RAB11FIP3: variants seen among roughly 807,000 people sequenced by gnomAD.
RAB11FIP3 encodes the protein rab11 family-interacting protein 3.
In RAB11FIP3, 17 loss-of-function variants were observed where a neutral mutation model predicts 77.8. The observed-to-expected ratio is 0.22, with a 90% CI of 0.15 to 0.33. The LOEUF (loss-of-function observed/expected upper bound fraction) is 0.33. Ranked by LOEUF, RAB11FIP3 falls within the 10% of genes least tolerant of loss-of-function variation. The pLI, the probability that RAB11FIP3 is intolerant of heterozygous loss-of-function variation, is 1.00. For synonymous variants in RAB11FIP3, 437 were observed against 448.2 expected (o/e 0.98, Z 0.31); for missense variants, 1,005 against 1,011.2 (o/e 0.99, Z 0.08).
chr16:510,823 T>G, intron 9 of RAB11FIP3, 23 bp downstream of exon 9: 1 of 1,609,200 alleles, frequency 6.2e-7, no homozygotes, highest in Non-Finnish European at 8.5e-7. Context: ...CAACAGCCCA[T>G]CCACCCCAGA....
rs2032305867 is a variant in RAB11FIP3, at chr16:514,147, T to A, written c.1640+3347T>A. ...GCCCACCCTAAGCGCTTGGGGTCAG[T>A]GCCACCGTGTTCTGGGCCTCCTGCA... is the stretch of plus-strand genomic sequence containing the variant. On this transcript the variant is annotated intron_variant, in intron 9 of 13. Coordinates refer to ENST00000262305, the MANE Select transcript of RAB11FIP3 (RefSeq NM_014700.4). The surrounding 1 kb of genome is among the most constrained non-coding windows in gnomAD (Gnocchi z 4.6). Among the ~76,000 whole-genome samples the A allele has an allele frequency of 6.6e-6, 1 of 152,196 alleles. No individual in the cohort carries two copies. The highest frequency in any genetic ancestry group is 6.5e-5 in the Admixed American group (1 of 15,288).
At chr16:449,364 T>C (rs1256567692) in intron 1 of RAB11FIP3, among the ~76,000 whole-genome samples, 1 of 152,086 alleles carries the variant, frequency 6.6e-6, no homozygotes, top group Non-Finnish European at 1.5e-5. Flanking sequence ...TGCTGGTTGG[T>C]CGTTTGCCAG....
intron 1 of RAB11FIP3, among the ~76,000 whole-genome samples, chr16:438,167 G>GCACTA (rs2055162762): frequency 6.6e-6 from 1 of 151,840 alleles, no homozygotes; most frequent in African/African-American, 2.4e-5. Flanking sequence ...GAGTGTAGTG[G>GCACTA]TGTGATATCC....
At chr16:487,552 C>G (rs1254347224) in intron 4 of RAB11FIP3, among the ~76,000 whole-genome samples, 1 of 152,166 alleles carries the variant, frequency 6.6e-6, no homozygotes, top group African/African-American at 2.4e-5. Flanking sequence ...CCGGGCGGAG[C>G]AGAGCGCGCG....
chr16:445,670 C>T (rs2055304060), intron 1 of RAB11FIP3, among the ~76,000 whole-genome samples: 1 of 151,954 alleles, frequency 6.6e-6, no homozygotes. Context: ...GCTGTTGGCT[C>T]CTGTAGCGGC....
At chr16:447,663 G>A (rs1204125477) in intron 1 of RAB11FIP3, among the ~76,000 whole-genome samples, 2 of 152,050 alleles carry the variant, frequency 1.3e-5, no homozygotes, top group Non-Finnish European at 2.9e-5. Context: ...GTGTGAACCC[G>A]GGGGGCAGAG....
In RAB11FIP3 at chr16:505,412, A is replaced by T. The variant is rs1181582628; in HGVS notation, c.1396-112A>T. 1.8e-5 allele frequency: 14 copies of T among 769,454 alleles called. No individual in the cohort carries two copies. Among genetic ancestry groups the T allele is most frequent in the African/African-American group, 1.1e-4 (6 of 57,092 alleles). The allele number at this position is 769,454 out of a possible 1,614,324, so 47.7% of individuals were successfully genotyped here. A position where few individuals can be genotyped will look rare whatever the true frequency, so the allele number is the denominator to read the frequency against. The stretch of plus-strand genomic sequence containing the variant: ...ATCCAACACCAGCCTAGCTAGGTGG[A>T]TCTGATTCTGTGCTGAGAAAATCCC... On this transcript the variant is annotated intron_variant, in intron 7 of 13. Transcript: ENST00000262305. The surrounding 1 kb of genome is among the most constrained non-coding windows in gnomAD (Gnocchi z 4.0).
At chr16:437,288 G>C (rs1001030882) in intron 1 of RAB11FIP3, among the ~76,000 whole-genome samples, 30 of 150,626 alleles carry the variant, frequency 2.0e-4, no homozygotes, top group African/African-American at 6.8e-4. Flanking sequence ...AGAAAAAAAG[G>C]CTAGATGTGG....
chr16:492,482 G>GCCGTCCAGA (rs1596271613), intron 5 of RAB11FIP3, among the ~76,000 whole-genome samples: 1 of 32,134 alleles, frequency 3.1e-5, no homozygotes, highest in Non-Finnish European at 6.0e-5. Flanking sequence ...GGCCGCCCAG[G>GCCGTCCAGA]GCCCTCCCGG....
At position 471,168 on chromosome 16, in the gene RAB11FIP3, C is replaced by T. The variant is rs1480046347; in HGVS notation, c.809-127C>T. The T allele has an allele frequency of 8.1e-6, 6 of 738,044 alleles. No individual in the cohort carries two copies. The highest frequency in any genetic ancestry group is 1.2e-5 in the Non-Finnish European group (5 of 431,856). 45.7% of individuals were successfully genotyped at this position (738,044 alleles called of 1,614,324 possible). A position where few individuals can be genotyped will look rare whatever the true frequency, so the allele number is the denominator to read the frequency against. On this transcript the variant is annotated intron_variant, in intron 2 of 13. Coordinates refer to ENST00000262305, the MANE Select transcript of RAB11FIP3 (RefSeq NM_014700.4). This position sits in a 1 kb window ranked among gnomAD's most constrained non-coding sequence, Gnocchi z 4.4. The stretch of plus-strand genomic sequence containing the variant: ...ACTCCCTTGCTTGTCTTGACCCCCC[C>T]CAGGGCCCCCAACTCCCACACATCT...
At chr16:469,963 C>G (rs2055780443) in intron 2 of RAB11FIP3, among the ~76,000 whole-genome samples, 1 of 152,142 alleles carries the variant, frequency 6.6e-6, no homozygotes, top group African/African-American at 2.4e-5. Context: ...GTGTGTCCCA[C>G]AATGTCCAGC....
chr16:468,983 A>C (rs2055764673), intron 2 of RAB11FIP3, among the ~76,000 whole-genome samples: 1 of 152,192 alleles, frequency 6.6e-6, no homozygotes, highest in Non-Finnish European at 1.5e-5. Context: ...GTATATTGAA[A>C]GTTTTTAGTT....
At chr16:468,010 G>A (rs1329327559) in intron 2 of RAB11FIP3, among the ~76,000 whole-genome samples, 1 of 75,892 alleles carries the variant, frequency 1.3e-5, no homozygotes, top group Non-Finnish European at 2.8e-5. Context: ...GTGCAGGGGC[G>A]TTGGAGGAGG....
At chr16:442,073 G>T (rs903542043) in intron 1 of RAB11FIP3, among the ~76,000 whole-genome samples, 1 of 152,180 alleles carries the variant, frequency 6.6e-6, no homozygotes. Flanking sequence ...TCCTGACCTC[G>T]TGATCCGCCC....
At chr16:429,586 G>C (rs1199891651) in intron 1 of RAB11FIP3, among the ~76,000 whole-genome samples, 1 of 148,230 alleles carries the variant, frequency 6.7e-6, no homozygotes, top group Admixed American at 6.8e-5. Flanking sequence ...TGCAACCTCT[G>C]CCTCCCGGGT....
chr16:503,614 T>C (rs2031653585), intron 7 of RAB11FIP3, among the ~76,000 whole-genome samples: 1 of 152,070 alleles, frequency 6.6e-6, no homozygotes, highest in South Asian at 2.1e-4. Context: ...ATGTGGTGGC[T>C]CACGCCTGGA....
rs1341952305 is a variant in RAB11FIP3 at position 426,835 on chromosome 16, C to T, written c.714+115C>T. On this transcript the variant is annotated intron_variant, in intron 1 of 13. Coordinates refer to ENST00000262305, the MANE Select transcript of RAB11FIP3 (RefSeq NM_014700.4). This position sits in a 1 kb window ranked among gnomAD's most constrained non-coding sequence, Gnocchi z 5.0. ...GAGTCGGGAAAGGCACTGTCAAGAC[C>T]TGACGGTCCTGCTTTTTCTGCTTAT... 1.6e-5 allele frequency: 12 copies of T among 767,142 alleles called. No individual in the cohort carries two copies. In the East Asian group the frequency reaches 2.1e-4, roughly 14 times the overall value. 47.5% of individuals were successfully genotyped at this position (767,142 alleles called of 1,614,324 possible). A position where few individuals can be genotyped will look rare whatever the true frequency, so the allele number is the denominator to read the frequency against.
intron 4 of RAB11FIP3, among the ~76,000 whole-genome samples, chr16:487,885 C>T (rs892754970): frequency 1.3e-5 from 2 of 152,140 alleles, no homozygotes; most frequent in African/African-American, 4.8e-5. Context: ...GTTTGAACGG[C>T]GCCCCCCAGT....
chr16:455,139 G>A lies in RAB11FIP3; in HGVS notation c.715-6265G>A, dbSNP rs536591848. Among the ~76,000 whole-genome samples, 97 of 135,288 alleles carry A rather than the reference G, an allele frequency of 7.2e-4. 1 individual carries two copies. The highest frequency in any genetic ancestry group is 2.6e-3 in the African/African-American group (94 of 35,862). 88.8% of individuals were successfully genotyped at this position (135,288 alleles called of 152,430 possible). The stretch of plus-strand genomic sequence containing the variant: ...GATTGAAGAATAAGCTTTCTTGTCT[G>A]TTCTCTATACAGTGATATGTAAAAA... On this transcript the variant is annotated intron_variant, in intron 1 of 13. Coordinates refer to ENST00000262305, the MANE Select transcript of RAB11FIP3 (RefSeq NM_014700.4).
Sources: allele counts gnomAD v4.1 joint callset (sites outside exome capture counted in the v4.1 genomes callset), GRCh38; gene constraint gnomAD v4.1.1; non-coding constraint Gnocchi (gnomAD v3.1); transcripts MANE v1.5; gene names NCBI Gene and HGNC (gene_info 2026-07-23, HGNC 2026-07-21).